Variants in ODAD2 observed in about 807,000 individuals in gnomAD.
ODAD2 encodes outer dynein arm-docking complex subunit 2.
In ODAD2, 89 loss-of-function variants were observed where a neutral mutation model predicts 106.8. That is an observed-to-expected ratio of 0.83 (90% CI 0.70 to 0.99). The LOEUF is 0.99. ODAD2 is among the 50% of genes least tolerant of loss of function. ODAD2 has a pLI of 0.00. For missense variants in ODAD2, 1,168 were observed against 1,238.5 expected (o/e 0.94, Z 0.85); for synonymous variants, 404 against 436.2 (o/e 0.93, Z 0.92).
chr10:27,893,764 CTCT>C (rs1000606268), intron 17 of ODAD2, among the ~76,000 whole-genome samples: 31 of 152,304 alleles, frequency 2.0e-4, no homozygotes, highest in African/African-American at 7.0e-4. Flanking sequence ...TTGGTATGAT[CTCT>C]TCTTCTAGTT....
At chr10:27,964,488 G>T (rs529032986) in intron 9 of ODAD2, among the ~76,000 whole-genome samples, 75 of 152,312 alleles carry the variant, frequency 4.9e-4, no homozygotes, top group African/African-American at 1.7e-3. Flanking sequence ...TTCACCAAAC[G>T]TGCATGGAGG....
rs534962833 is a variant in ODAD2 at position 27,848,947 on chromosome 10, G to A, written c.3021+11678C>T. On this transcript the variant is annotated intron_variant, in intron 19 of 19. Coordinates refer to ENST00000305242, the MANE Select transcript of ODAD2 (RefSeq NM_018076.5). ...GGAGAAATAGGAACACTTTTACACT[G>A]TTAGTGGGACTGTAAACTAGTTCAA... Among the ~76,000 whole-genome samples the A allele has an allele frequency of 2.6e-3, 390 of 152,364 alleles. 2 individuals are homozygous for A. The highest frequency in any genetic ancestry group is 9.1e-3 in the African/African-American group (377 of 41,592).
rs1840713897 is a variant in ODAD2, at chr10:27,869,660, A to C, written c.2611-7038T>G. Among the ~76,000 whole-genome samples, 3 of 151,516 alleles carry C rather than the reference A, an allele frequency of 2.0e-5. 1 individual carries two copies. The South Asian group carries it at 6.2e-4, about 32-fold the overall frequency. Reference sequence around the variant, plus strand: ...AATGATTCTCCTGGCTTAGCCTCCCAGGTAGCTGGGATTACAGGTGCATGC... The same window carrying C: ...AATGATTCTCCTGGCTTAGCCTCCCCGGTAGCTGGGATTACAGGTGCATGC... On this transcript the variant is annotated intron_variant, in intron 17 of 19. Coordinates refer to ENST00000305242, the MANE Select transcript of ODAD2 (RefSeq NM_018076.5).
chr10:27,896,026 C>T (rs1842832288), intron 17 of ODAD2, among the ~76,000 whole-genome samples: 1 of 152,186 alleles, frequency 6.6e-6, no homozygotes, highest in African/African-American at 2.4e-5. Flanking sequence ...ATTTCCCTCT[C>T]TCTCATTTCA....
intron 17 of ODAD2, among the ~76,000 whole-genome samples, chr10:27,893,260 A>G (rs1336673549): frequency 1.3e-5 from 2 of 152,220 alleles, no homozygotes; most frequent in African/African-American, 4.8e-5. Context: ...TTCACATCTT[A>G]TTTTCTTAAC....
intron 16 of ODAD2, among the ~76,000 whole-genome samples, chr10:27,919,244 A>G (rs1844607613): frequency 6.6e-6 from 1 of 152,038 alleles, no homozygotes; most frequent in African/African-American, 2.4e-5. Flanking sequence ...TACTGTATGA[A>G]ACAATTAATT....
intron 6 of ODAD2, among the ~76,000 whole-genome samples, chr10:27,983,423 G>C (rs1301753736): frequency 1.3e-5 from 2 of 152,200 alleles, no homozygotes; most frequent in Admixed American, 1.3e-4. Context: ...ATAGGGCACT[G>C]TCTCCTACCT....
chr10:27,855,734 T>C (rs147880687), intron 19 of ODAD2, among the ~76,000 whole-genome samples: 344 of 152,306 alleles, frequency 2.3e-3, no homozygotes, highest in Non-Finnish European at 4.3e-3. Flanking sequence ...GTACTGAGCC[T>C]AGGAGGCAGC....
chr10:27,913,208 T>C (rs1274261083), intron 16 of ODAD2, among the ~76,000 whole-genome samples: 3 of 152,116 alleles, frequency 2.0e-5, no homozygotes, highest in Non-Finnish European at 2.9e-5. Flanking sequence ...GGGGGTTTGG[T>C]GTACAGATTA....
intron 19 of ODAD2, among the ~76,000 whole-genome samples, chr10:27,833,919 A>G (rs1837666558): frequency 6.6e-6 from 1 of 152,256 alleles, no homozygotes; most frequent in Non-Finnish European, 1.5e-5. Context: ...AGCACTGTGT[A>G]ACATGGGGAT....
At chr10:27,861,673 C>T (rs1441946173) in intron 18 of ODAD2, among the ~76,000 whole-genome samples, 1 of 152,118 alleles carries the variant, frequency 6.6e-6, no homozygotes, top group African/African-American at 2.4e-5. Flanking sequence ...TTCCATTTTC[C>T]TTTCTGTATT....
chr10:27,948,311 T>C (rs929076441), intron 10 of ODAD2, among the ~76,000 whole-genome samples: 1 of 152,222 alleles, frequency 6.6e-6, no homozygotes, highest in African/African-American at 2.4e-5. Context: ...GATTTAGTTC[T>C]ACTCTTGTCA....
chr10:27,963,530 A>T (rs910626360), intron 9 of ODAD2, among the ~76,000 whole-genome samples: 18 of 152,160 alleles, frequency 1.2e-4, no homozygotes, highest in African/African-American at 2.7e-4. Flanking sequence ...CCATAATAGA[A>T]CACACAAGTC....
intron 2 of ODAD2, among the ~76,000 whole-genome samples, chr10:27,987,746 T>C (rs1274045004): frequency 6.6e-6 from 1 of 152,036 alleles, no homozygotes; most frequent in Non-Finnish European, 1.5e-5. Context: ...GCAAGCCTAG[T>C]GACCAATAGG....
chr10:27,927,599 T>C (rs7073702), intron 16 of ODAD2, among the ~76,000 whole-genome samples: 24,415 of 152,130 alleles, frequency 0.16, 2,975 homozygotes, highest in African/African-American at 0.34. Context: ...TACAAAAGGA[T>C]TCACTAACCT....
At chr10:27,874,141 G>T (rs1440520790) in intron 17 of ODAD2, among the ~76,000 whole-genome samples, 1 of 152,054 alleles carries the variant, frequency 6.6e-6, no homozygotes, top group Non-Finnish European at 1.5e-5. Flanking sequence ...GATCTTTGTT[G>T]GTTTAAAGTC....
chr10:27,865,954 G>GAT (rs1382297795), intron 17 of ODAD2, among the ~76,000 whole-genome samples: 7 of 152,152 alleles, frequency 4.6e-5, no homozygotes, highest in African/African-American at 1.4e-4. Flanking sequence ...TGATAGTTAG[G>GAT]ACATACTTCT....
At chr10:27,847,478 G>A (rs1838867857) in intron 19 of ODAD2, among the ~76,000 whole-genome samples, 2 of 152,264 alleles carry the variant, frequency 1.3e-5, no homozygotes, top group Non-Finnish European at 2.9e-5. Context: ...TCCTGAATGG[G>A]CAAAAATGAA....
intron 19 of ODAD2, among the ~76,000 whole-genome samples, chr10:27,818,089 C>G (rs1489740994): frequency 6.6e-6 from 1 of 151,436 alleles, no homozygotes; most frequent in African/African-American, 2.4e-5. Context: ...ACATCACTAC[C>G]AAATAATTGA....
Sources: gnomAD v4.1 joint callset for allele counts (sites outside exome capture counted in the v4.1 genomes callset) on GRCh38, gnomAD v4.1.1 for gene constraint, MANE v1.5 for transcripts, NCBI Gene and HGNC (gene_info 2026-07-23, HGNC 2026-07-21) for gene names.